DCC: variants seen among roughly 807,000 people sequenced by gnomAD.
DCC encodes netrin receptor DCC.
A neutral mutation model predicts 172.5 loss-of-function variants in DCC; 58 were observed. The observed-to-expected ratio is 0.34, with a 90% CI of 0.27 to 0.42. The LOEUF is 0.42. Among genes scored for constraint, DCC ranks in the 10% least tolerant of loss-of-function variants. DCC has a pLI of 1.00. For missense variants in DCC, 1,740 were observed against 1,791.0 expected, an observed-to-expected ratio of 0.97 and a Z score of 0.51; for synonymous variants, 709 against 644.5, an observed-to-expected ratio of 1.10 and a Z score of -1.52.
intron 7 of DCC, among the ~76,000 whole-genome samples, chr18:53,091,875 A>ATATATC (rs1291782768): frequency 1.4e-5 from 2 of 148,126 alleles, no homozygotes; most frequent in Admixed American, 1.4e-4. Flanking sequence ...ATATATATAT[A>ATATATC]TCTACATAAA....
intron 1 of DCC, among the ~76,000 whole-genome samples, chr18:52,531,535 G>T (rs1449338255): frequency 6.6e-6 from 1 of 152,202 alleles, no homozygotes; most frequent in African/African-American, 2.4e-5. Context: ...TGCCTAGAGA[G>T]ATGTTTACTA....
chr18:52,806,104 G>A lies in DCC; in HGVS notation c.412+53730G>A, dbSNP rs976960348. On this transcript the variant is annotated intron_variant, in intron 2 of 28. Transcript: ENST00000442544. ...GAAATTTCCTCCATTAGATAATACC[G>A]GCTTGAATAAATCAGAAGCTTGCTG... Among the ~76,000 whole-genome samples, 7 of 152,024 alleles carry A rather than the reference G, an allele frequency of 4.6e-5. No homozygotes were observed. The East Asian group carries it at 5.8e-4, about 13-fold the overall frequency.
At chr18:53,486,361 C>A (rs1680918954) in intron 25 of DCC, among the ~76,000 whole-genome samples, 1 of 152,142 alleles carries the variant, frequency 6.6e-6, no homozygotes, top group Non-Finnish European at 1.5e-5. Flanking sequence ...GCAATACATT[C>A]TTTTACAGAA....
chr18:53,467,103 G>A (rs745480568), intron 24 of DCC, among the ~76,000 whole-genome samples: 11 of 151,786 alleles, frequency 7.2e-5, no homozygotes, highest in East Asian at 1.9e-4. Flanking sequence ...AATCCCTTTC[G>A]CAAAAGGAAA....
At chr18:53,271,269 C>G (rs181372988) in intron 12 of DCC, among the ~76,000 whole-genome samples, 17 of 152,246 alleles carry the variant, frequency 1.1e-4, no homozygotes, top group Admixed American at 7.2e-4. Context: ...AGGTTTTTAA[C>G]TACATCACTA....
At chr18:52,368,973 T>C (rs1401221119) in intron 1 of DCC, among the ~76,000 whole-genome samples, 2 of 152,216 alleles carry the variant, frequency 1.3e-5, no homozygotes, top group South Asian at 2.1e-4. Flanking sequence ...GAGAAGGATC[T>C]GGCTCAGAAA....
intron 8 of DCC, among the ~76,000 whole-genome samples, chr18:53,170,813 C>A (rs9807382): frequency 6.6e-6 from 1 of 152,086 alleles, no homozygotes; most frequent in African/African-American, 2.4e-5. Context: ...AAACAGCCCC[C>A]CTGACTTACC....
At chr18:52,583,655 G>T (rs1445123325) in intron 1 of DCC, among the ~76,000 whole-genome samples, 1 of 152,010 alleles carries the variant, frequency 6.6e-6, no homozygotes, top group African/African-American at 2.4e-5. Flanking sequence ...TTTATACTTT[G>T]AATGATAATT....
rs141400644 is a variant in DCC, at chr18:52,769,944, A to T, written c.412+17570A>T. Among the ~76,000 whole-genome samples the T allele has an allele frequency of 1.8e-3, 270 of 152,326 alleles. 1 individual carries two copies. The highest frequency in any genetic ancestry group is 6.8e-3 in the Middle Eastern group (2 of 294). On this transcript the variant is annotated intron_variant, in intron 2 of 28. Coordinates refer to ENST00000442544, the MANE Select transcript of DCC (RefSeq NM_005215.4). ...TTTATTTCTTTCCATGTCTATTAAC[A>T]CCATCCAAACAGAAACTGCCATCAT...
At chr18:52,870,271 G>A (rs888267620) in intron 2 of DCC, among the ~76,000 whole-genome samples, 4 of 152,176 alleles carry the variant, frequency 2.6e-5, no homozygotes, top group Admixed American at 1.3e-4. Flanking sequence ...GTCCCGTGGG[G>A]GTGGGGGCTG....
intron 12 of DCC, among the ~76,000 whole-genome samples, chr18:53,264,945 T>C (rs1313554175): frequency 2.6e-5 from 4 of 152,182 alleles, no homozygotes; most frequent in African/African-American, 7.2e-5. Context: ...ATTTTTGCTT[T>C]TGGACTTCTT....
At chr18:53,226,399 G>GT (rs1405430606) in intron 12 of DCC, among the ~76,000 whole-genome samples, 3 of 152,022 alleles carry the variant, frequency 2.0e-5, no homozygotes, top group Non-Finnish European at 4.4e-5. Flanking sequence ...TGACTTTTCG[G>GT]TTTTTTTCCT....
intron 2 of DCC, among the ~76,000 whole-genome samples, chr18:52,847,795 AAG>A (rs1404958198): frequency 1.3e-5 from 2 of 152,240 alleles, no homozygotes; most frequent in African/African-American, 4.8e-5. Context: ...AGCAATCTGA[AAG>A]AGACGTACCC....
intron 12 of DCC, among the ~76,000 whole-genome samples, chr18:53,294,592 C>T (rs1016035066): frequency 2.6e-5 from 4 of 152,242 alleles, no homozygotes; most frequent in African/African-American, 7.2e-5. Flanking sequence ...AGACAGTCAT[C>T]GCTGGAGGAC....
chr18:52,911,611 T>C (rs1422949482), intron 3 of DCC, among the ~76,000 whole-genome samples: 1 of 151,988 alleles, frequency 6.6e-6, no homozygotes, highest in Non-Finnish European at 1.5e-5. Context: ...TGTTGATGAT[T>C]GGGCATTGCT....
intron 15 of DCC, among the ~76,000 whole-genome samples, chr18:53,346,381 A>G (rs1026073694): frequency 6.6e-6 from 1 of 152,014 alleles, no homozygotes; most frequent in African/African-American, 2.4e-5. Flanking sequence ...CCCACTATTC[A>G]CCACATTCCC....
At position 52,473,027 on chromosome 18, in the gene DCC, A is replaced by T. The variant is rs374795172; in HGVS notation, c.91+132149A>T. ...TATTTCTGAAAATTTTATTTAGAAA[A>T]GTTCATTACTGGTAGGCAAACAGGA... On this transcript the variant is annotated intron_variant, in intron 1 of 28. Coordinates refer to ENST00000442544, the MANE Select transcript of DCC (RefSeq NM_005215.4). Among the ~76,000 whole-genome samples the T allele has an allele frequency of 1.2e-4, 18 of 152,328 alleles. No homozygotes were observed. In the East Asian group the frequency reaches 2.5e-3, roughly 21 times the overall value.
At chr18:52,503,590 T>C (rs575408328) in intron 1 of DCC, among the ~76,000 whole-genome samples, 11 of 152,280 alleles carry the variant, frequency 7.2e-5, no homozygotes, top group African/African-American at 1.9e-4. Context: ...CAGAATTCTC[T>C]CCTTGTTCCA....
chr18:52,739,550 C>T (rs2052184250), intron 1 of DCC, among the ~76,000 whole-genome samples: 1 of 152,170 alleles, frequency 6.6e-6, no homozygotes, highest in African/African-American at 2.4e-5. Context: ...GCTATCACTT[C>T]TGAGAGCTGA....
Sources: allele counts gnomAD v4.1 joint callset (sites outside exome capture counted in the v4.1 genomes callset), GRCh38; gene constraint gnomAD v4.1.1; transcripts MANE v1.5; gene names NCBI Gene and HGNC (gene_info 2026-07-23, HGNC 2026-07-21).